Variants in PITPNA observed in about 807,000 individuals in gnomAD.
PITPNA encodes the protein phosphatidylinositol transfer protein alpha isoform.
In PITPNA, 13 loss-of-function variants were observed where a neutral mutation model predicts 50.3. The observed-to-expected ratio is 0.26, with a 90% CI of 0.17 to 0.41. The LOEUF is 0.41. PITPNA is among the 10% of genes least tolerant of loss of function. The pLI is 1.00. For synonymous variants in PITPNA, 120 were observed against 119.6 expected, an observed-to-expected ratio of 1.00 and a Z score of -0.02; for missense variants, 207 against 333.4, an observed-to-expected ratio of 0.62 and a Z score of 2.95.
rs200738801 is a variant in PITPNA at position 1,534,133 on chromosome 17, C to T, written c.734G>A (p.Arg245Lys). ...CTGTCTCTTCGTCTCTTCTTCCATC[C>T]TTCGAATGTCGTCCATGGTCAGGTC... ...WVDLTMDDIR[R>K]MEEETKRQLD... is the part of the protein sequence containing the mutation. The change falls in exon 10 of 12, where the codon AGG becomes AAG. Residue 245 changes from arginine to lysine, a missense_variant. Physicochemically the swap from Arg to Lys is conservative, Grantham distance 26. Transcript: ENST00000313486. 1.4e-4 allele frequency: 221 copies of T among 1,613,770 alleles called. 1 individual carries two copies. Among genetic ancestry groups the T allele is most frequent in the Admixed American group, 1.1e-3 (65 of 59,986 alleles).
chr17:1,560,604 C>T (rs1323132935), intron 1 of PITPNA, among the ~76,000 whole-genome samples: 1 of 152,210 alleles, frequency 6.6e-6, no homozygotes, highest in Non-Finnish European at 1.5e-5. Flanking sequence ...CCTTCCTTTC[C>T]CTGCCTGACC....
At chr17:1,550,220 G>C (rs1428127756) in intron 3 of PITPNA, among the ~76,000 whole-genome samples, 3 of 152,090 alleles carry the variant, frequency 2.0e-5, no homozygotes, top group Admixed American at 1.3e-4. Context: ...AGGAGTTTCC[G>C]GTCTACTGGG....
chr17:1,558,677 G>T, intron 1 of PITPNA, 118 bp from the exon 2 acceptor site: 1 of 727,272 alleles, frequency 1.4e-6, no homozygotes. Context: ...TAAATTCAGT[G>T]ACGAAAACCC....
At chr17:1,560,764 T>C (rs919790961) in intron 1 of PITPNA, among the ~76,000 whole-genome samples, 5 of 152,232 alleles carry the variant, frequency 3.3e-5, no homozygotes, top group African/African-American at 1.2e-4. Context: ...CGTAAAGTTC[T>C]TCCTCCTCAC....
chr17:1,521,121 G>A (rs1280907992), intron 11 of PITPNA, among the ~76,000 whole-genome samples: 1 of 152,202 alleles, frequency 6.6e-6, no homozygotes, highest in Non-Finnish European at 1.5e-5. Flanking sequence ...ATGGGATCGG[G>A]GGTATAAAGA....
chr17:1,528,396 C>A (rs1673993814), intron 10 of PITPNA, among the ~76,000 whole-genome samples: 1 of 152,316 alleles, frequency 6.6e-6, no homozygotes, highest in Middle Eastern at 3.4e-3. Context: ...CCAACTTTAG[C>A]CTCCCAAAGT....
At chr17:1,553,234 G>GGCA in intron 2 of PITPNA, 85 bp from the exon 3 acceptor site, 1 of 1,456,454 alleles carries the variant, frequency 6.9e-7, no homozygotes, top group Non-Finnish European at 9.5e-7. Flanking sequence ...GTGTCTAACT[G>GGCA]GATCTCCCTG....
At chr17:1,533,993 G>A (rs1038574552) in intron 10 of PITPNA, 106 bp downstream of exon 10, 5 of 1,324,546 alleles carry the variant, frequency 3.8e-6, no homozygotes, top group African/African-American at 1.5e-5. Flanking sequence ...ACACTGACGT[G>A]TTCCCAGAAC....
At position 1,521,580 on chromosome 17, in the gene PITPNA, G is replaced by C. The variant is rs751285406; in HGVS notation, c.*21C>G. On this transcript the variant is annotated splice_region_variant and 3_prime_UTR_variant, in exon 11 of 12. Coordinates refer to ENST00000313486, the MANE Select transcript of PITPNA (RefSeq NM_006224.4). ...CACAGTGAGAAATTTGGTACGTACA[G>C]TGCAGAGGGGAAAGGCGGCTTTAGT... 2.5e-6 allele frequency: 4 copies of C among 1,607,516 alleles called. No homozygotes were observed. The African/African-American group carries it at 4.0e-5, about 16-fold the overall frequency.
chr17:1,545,007 T>A (rs1567583446), intron 4 of PITPNA, among the ~76,000 whole-genome samples: 1 of 152,024 alleles, frequency 6.6e-6, no homozygotes, highest in African/African-American at 2.4e-5. Context: ...AATAAAAAAA[T>A]TTAAAATAAA....
At chr17:1,550,306 C>T (rs1212380243) in intron 3 of PITPNA, among the ~76,000 whole-genome samples, 37 of 152,104 alleles carry the variant, frequency 2.4e-4, no homozygotes, top group Admixed American at 2.3e-3. Flanking sequence ...CCCTGGGTGG[C>T]GGAGTGCTGT....
chr17:1,550,111 T>C (rs1349670995), intron 3 of PITPNA, among the ~76,000 whole-genome samples: 1 of 152,178 alleles, frequency 6.6e-6, no homozygotes, highest in Non-Finnish European at 1.5e-5. Flanking sequence ...GCGGCCTCTG[T>C]GATTCACGAA....
At chr17:1,540,827 C>T (rs1279723644) in intron 6 of PITPNA, among the ~76,000 whole-genome samples, 1 of 152,164 alleles carries the variant, frequency 6.6e-6, no homozygotes, top group African/African-American at 2.4e-5. Flanking sequence ...CCTCGTGATC[C>T]GCCTGCCTCG....
chr17:1,553,737 G>C (rs1335616106), intron 2 of PITPNA, among the ~76,000 whole-genome samples: 1 of 152,196 alleles, frequency 6.6e-6, no homozygotes, highest in Non-Finnish European at 1.5e-5. Context: ...TCTTGTCAAA[G>C]AAAGGTGCTC....
chr17:1,532,731 A>G (rs2075591978), intron 10 of PITPNA, among the ~76,000 whole-genome samples: 1 of 152,158 alleles, frequency 6.6e-6, no homozygotes, highest in Non-Finnish European at 1.5e-5. Context: ...AGTCACAATC[A>G]CCAGACCCCT....
chr17:1,529,134 T>A (rs2075565642), intron 10 of PITPNA, among the ~76,000 whole-genome samples: 1 of 37,434 alleles, frequency 2.7e-5, no homozygotes, highest in African/African-American at 1.6e-4. Flanking sequence ...CAAGACTCCA[T>A]CTCAAAAAAA....
chr17:1,537,111 G>C (rs1188192576), intron 7 of PITPNA, among the ~76,000 whole-genome samples: 3 of 150,334 alleles, frequency 2.0e-5, no homozygotes, highest in African/African-American at 4.9e-5. Context: ...TTTTGCCCAG[G>C]CTGGTGCAAA....
intron 7 of PITPNA, among the ~76,000 whole-genome samples, chr17:1,536,716 C>G (rs1465660712): frequency 6.6e-6 from 1 of 151,918 alleles, no homozygotes; most frequent in Non-Finnish European, 1.5e-5. Context: ...GCCTCAGCCT[C>G]CTGAGTAGCT....
chr17:1,541,848 G>C, intron 5 of PITPNA: 2 of 665,742 alleles, frequency 3.0e-6, no homozygotes, highest in Non-Finnish European at 5.7e-6. Context: ...TGAGAGCTCT[G>C]TAGAATCACC....
Sources: allele counts gnomAD v4.1 joint callset (sites outside exome capture counted in the v4.1 genomes callset), GRCh38; gene constraint gnomAD v4.1.1; transcripts MANE v1.5; gene names NCBI Gene and HGNC (gene_info 2026-07-23, HGNC 2026-07-21).